Variants in DNAH8 observed in about 807,000 individuals in gnomAD.
The protein encoded by DNAH8 is dynein axonemal heavy chain 8.
A neutral mutation model predicts 562.1 loss-of-function variants in DNAH8; 382 were observed. The observed-to-expected ratio is 0.68, with a 90% confidence interval of 0.63 to 0.74. DNAH8 has a LOEUF of 0.74. DNAH8 is among the 30% of genes least tolerant of loss of function. The probability of loss-of-function intolerance (pLI) is 0.00; values close to 1 mark genes in which losing one functional copy is unlikely to be tolerated. For synonymous variants in DNAH8, 1,881 were observed against 1,919.4 expected, an observed-to-expected ratio of 0.98 and a Z score of 0.52; for missense variants, 5,203 against 5,620.4, an observed-to-expected ratio of 0.93 and a Z score of 2.37.
At chr6:38,960,886 G>A (rs557969101) in intron 82 of DNAH8, among the ~76,000 whole-genome samples, 2 of 151,840 alleles carry the variant, frequency 1.3e-5, no homozygotes, top group South Asian at 2.1e-4. Flanking sequence ...CTGTACTCCC[G>A]TGTTTACTGC....
At chr6:38,780,969 G>C (rs1466469187) in intron 15 of DNAH8, among the ~76,000 whole-genome samples, 1 of 152,032 alleles carries the variant, frequency 6.6e-6, no homozygotes, top group Non-Finnish European at 1.5e-5. Context: ...ATATTAATAT[G>C]TAGCTATGTG....
chr6:38,947,196 C>T (rs1365820069), intron 80 of DNAH8, among the ~76,000 whole-genome samples: 1 of 152,212 alleles, frequency 6.6e-6, no homozygotes, highest in Admixed American at 6.5e-5. Flanking sequence ...CTCTCCCACT[C>T]CTCTTACACC....
intron 62 of DNAH8, 141 bp downstream of exon 62, chr6:38,900,047 G>A (rs761663927): frequency 8.7e-6 from 6 of 688,616 alleles, no homozygotes; most frequent in Middle Eastern, 9.1e-4. Flanking sequence ...GGATATTTAC[G>A]CAAGTGTCAC....
chr6:38,933,012 TC>T (rs1344898885), intron 76 of DNAH8: 1 of 152,304 alleles, frequency 6.6e-6, no homozygotes, highest in Non-Finnish European at 1.5e-5. Flanking sequence ...GCTTATGCAG[TC>T]CAGGAAGGGA....
Position 38,989,980 on chromosome 6 carries a change from A to G in DNAH8, c.13054-32A>G, listed in dbSNP as rs181767104. 2.9e-6 allele frequency: 4 copies of G among 1,393,922 alleles called. No homozygotes were observed. The African/African-American group carries it at 4.3e-5, about 15-fold the overall frequency. The allele number at this position is 1,393,922 out of a possible 1,614,324, so 86.3% of individuals were successfully genotyped here. On this transcript the variant is annotated intron_variant, in intron 87 of 92. Coordinates refer to ENST00000327475, the MANE Select transcript of DNAH8 (RefSeq NM_001206927.2). Reference sequence around the variant, plus strand: ...GCAGTTTTCATTTAGATGCTCATCAATTTTATTTCTTTTGTTTTCTCTCAC... The same window carrying G: ...GCAGTTTTCATTTAGATGCTCATCAGTTTTATTTCTTTTGTTTTCTCTCAC...
rs773647407 is a variant in DNAH8, at chr6:38,873,344, A to G, written c.7588A>G (p.Met2530Val). 1.2e-6 allele frequency: 2 copies of G among 1,611,252 alleles called. No homozygotes were observed. Among genetic ancestry groups the G allele is most frequent in the South Asian group, 1.1e-5 (1 of 90,022 alleles). Residue 2530 changes from methionine (M) to valine (V), a missense_variant, in exon 52 of 93, where the codon ATG becomes GTG. By Grantham distance (21) the Met-to-Val change is conservative. Around this residue, in one of 6 missense-constraint regions of DNAH8, gnomAD observed 977 missense variants for 1,061.8 expected, o/e 0.92. Coordinates refer to ENST00000327475, the MANE Select transcript of DNAH8 (RefSeq NM_001206927.2). ...TYMKLNLNPK[M>V]QLLECNYIVQ... ...TATGAAGCTAAATCTCAATCCCAAA[A>G]TGCAGCTCTTGGAGTGCAACTATAT...
chr6:38,786,636 TG>T, intron 17 of DNAH8, 128 bp from the exon 18 acceptor site: 2 of 857,378 alleles, frequency 2.3e-6, no homozygotes, highest in South Asian at 1.8e-5. Flanking sequence ...CCTTAGCACC[TG>T]GGGCATCCAA....
intron 14 of DNAH8, among the ~76,000 whole-genome samples, chr6:38,779,036 C>G (rs1240810289): frequency 1.3e-5 from 2 of 152,178 alleles, no homozygotes; most frequent in East Asian, 3.8e-4. Flanking sequence ...GAAATCTTCT[C>G]TCCTTTAGCT....
intron 6 of DNAH8, 27 bp from the exon 7 acceptor site, chr6:38,737,782 A>G (rs1764210992): frequency 8.4e-7 from 1 of 1,189,480 alleles, no homozygotes; most frequent in Non-Finnish European, 1.1e-6. Flanking sequence ...ATAAATTAGT[A>G]TTAAATGTCT....
chr6:38,790,546 T>C, intron 20 of DNAH8, 141 bp downstream of exon 20: 1 of 471,760 alleles, frequency 2.1e-6, no homozygotes. Flanking sequence ...TGTTTTGGGC[T>C]GGGCACAGTG....
intron 33 of DNAH8, 121 bp downstream of exon 33, chr6:38,838,163 A>G: frequency 6.5e-6 from 4 of 615,396 alleles, no homozygotes; most frequent in Non-Finnish European, 1.1e-5. Context: ...GCACAACTGA[A>G]TATTCTCCTT....
chr6:38,899,835 C>T lies in DNAH8; in HGVS notation c.9123C>T (p.Ser3041=), dbSNP rs761783722. 30 of 1,610,878 alleles carry T rather than the reference C, an allele frequency of 1.9e-5. No individual in the cohort carries two copies. The Admixed American group carries it at 2.7e-4, about 14-fold the overall frequency. The part of the protein sequence containing the change: ...GNALLVGVGG[S]GKQSLSRLAS... ...CATTGCTGGTGGGTGTTGGTGGTTCCGGAAAACAAAGTCTTTCAAGATTGG... is the reference window on the plus strand; with the variant it reads ...CATTGCTGGTGGGTGTTGGTGGTTCTGGAAAACAAAGTCTTTCAAGATTGG... The change falls in exon 62 of 93, where the codon TCC becomes TCT. Residue 3041 remains serine, a synonymous_variant. Transcript: ENST00000327475.
chr6:39,004,888 G>A (rs1765710046), intron 88 of DNAH8, among the ~76,000 whole-genome samples: 1 of 152,122 alleles, frequency 6.6e-6, no homozygotes, highest in Non-Finnish European at 1.5e-5. Flanking sequence ...TTGCCAAATA[G>A]TATTCCAGTG....
chr6:38,934,214 G>T (rs958987119), intron 76 of DNAH8, among the ~76,000 whole-genome samples: 11 of 151,888 alleles, frequency 7.2e-5, no homozygotes, highest in African/African-American at 2.7e-4. Flanking sequence ...TTAGCCAGGC[G>T]TGGTGGTGCA....
intron 82 of DNAH8, among the ~76,000 whole-genome samples, chr6:38,967,962 T>C (rs375903681): frequency 2.0e-5 from 3 of 152,180 alleles, no homozygotes; most frequent in Admixed American, 6.5e-5. Context: ...CAATGCAGAA[T>C]TGAGAGTCCA....
intron 24 of DNAH8, 43 bp from the exon 25 acceptor site, chr6:38,814,011 T>C (rs1772026100): frequency 7.3e-7 from 1 of 1,375,950 alleles, no homozygotes; most frequent in South Asian, 1.2e-5. Flanking sequence ...AACAATGAAA[T>C]TTTAGGGTAA....
intron 82 of DNAH8, among the ~76,000 whole-genome samples, chr6:38,965,578 A>T (rs775911989): frequency 2.0e-5 from 3 of 152,236 alleles, no homozygotes; most frequent in Non-Finnish European, 2.9e-5. Context: ...TTGGAAAGGA[A>T]TATAAAGGCA....
At chr6:38,851,256 C>T (rs150727428) in intron 38 of DNAH8, among the ~76,000 whole-genome samples, 6 of 152,114 alleles carry the variant, frequency 3.9e-5, no homozygotes, top group African/African-American at 1.2e-4. Context: ...TTTGGAGATA[C>T]GGTTTGTGCT....
intron 41 of DNAH8, among the ~76,000 whole-genome samples, chr6:38,856,072 A>G (rs1335583894): frequency 1.3e-5 from 2 of 152,174 alleles, no homozygotes; most frequent in African/African-American, 4.8e-5. Flanking sequence ...CTACCTGGCT[A>G]TAATTTTGTG....
Sources: gnomAD v4.1 joint callset for allele counts (sites outside exome capture counted in the v4.1 genomes callset) on GRCh38, gnomAD v4.1.1 for gene constraint, gnomAD v4.1.1 regional missense constraint, MANE v1.5 for transcripts, NCBI Gene and HGNC (gene_info 2026-07-23, HGNC 2026-07-21) for gene names.